CHFR: variants seen among roughly 807,000 people sequenced by gnomAD.
The protein encoded by CHFR is E3 ubiquitin-protein ligase CHFR.
Under a neutral mutation model 87.6 loss-of-function variants are expected in CHFR, and 57 were observed. That is an observed-to-expected ratio of 0.65 (90% confidence interval 0.53 to 0.81). CHFR has a LOEUF of 0.81. Among genes scored for constraint, CHFR ranks in the 30% least tolerant of loss-of-function variants. CHFR has a pLI of 0.00. For missense variants in CHFR, 797 were observed against 865.8 expected (o/e 0.92, Z 1.00); for synonymous variants, 381 against 359.2 (o/e 1.06, Z -0.69).
Position 132,841,468 on chromosome 12 carries a change from A to G in CHFR, c.*86T>C, listed in dbSNP as rs1030178377. ...CGTCCCTTCCCTCAGGGGGCTGTGA[A>G]AACACCTTGACGTGCTTGTCTCTGT... is the stretch of plus-strand genomic sequence containing the variant. On this transcript the variant is annotated 3_prime_UTR_variant, in exon 18 of 18. Coordinates refer to ENST00000450056, the MANE Select transcript of CHFR (RefSeq NM_001161346.2). 4.6e-5 allele frequency: 58 copies of G among 1,251,060 alleles called. No homozygotes were observed. Among genetic ancestry groups the G allele is most frequent in the Non-Finnish European group, 6.6e-5 (56 of 849,920 alleles). 77.5% of individuals were successfully genotyped at this position (1,251,060 alleles called of 1,614,324 possible). A position where few individuals can be genotyped will look rare whatever the true frequency, so the allele number is the denominator to read the frequency against.
At chr12:132,847,613 T>C (rs756686034) in intron 14 of CHFR, 134 of 1,071,416 alleles carry the variant, frequency 1.3e-4, no homozygotes, top group Non-Finnish European at 1.5e-4. Context: ...CCCACCATTG[T>C]GTGTGCTGTC....
intron 2 of CHFR, among the ~76,000 whole-genome samples, chr12:132,879,319 A>G (rs1951712590): frequency 6.6e-6 from 1 of 151,890 alleles, no homozygotes; most frequent in Admixed American, 6.6e-5. Flanking sequence ...GTACACGTAT[A>G]AGAAACTGCA....
chr12:132,842,403 T>C (rs1475190272), intron 17 of CHFR, among the ~76,000 whole-genome samples: 1 of 152,246 alleles, frequency 6.6e-6, no homozygotes, highest in Non-Finnish European at 1.5e-5. Context: ...GCAAGGTTTT[T>C]ATTCCACAAA....
intron 5 of CHFR, 49 bp downstream of exon 5, chr12:132,870,675 T>C: frequency 7.7e-7 from 1 of 1,290,578 alleles, no homozygotes; most frequent in Non-Finnish European, 1.1e-6. Flanking sequence ...ACAAAAGGAA[T>C]GCTATAGCTC....
chr12:132,864,781 C>A (rs184619249), intron 6 of CHFR, among the ~76,000 whole-genome samples: 1 of 152,352 alleles, frequency 6.6e-6, no homozygotes, highest in East Asian at 1.9e-4. Flanking sequence ...AGCCACCACA[C>A]CCGGCCAGAA....
At chr12:132,872,816 C>T (rs1951522061) in intron 3 of CHFR, among the ~76,000 whole-genome samples, 1 of 152,192 alleles carries the variant, frequency 6.6e-6, no homozygotes, top group Admixed American at 6.6e-5. Context: ...AGTACTGATC[C>T]CTCCCAAGAG....
At chr12:132,877,187 A>G (rs1434686825) in intron 3 of CHFR, among the ~76,000 whole-genome samples, 1 of 152,184 alleles carries the variant, frequency 6.6e-6, no homozygotes, top group East Asian at 1.9e-4. Context: ...CTGTGTTTAG[A>G]TAAATACTCT....
chr12:132,867,972 T>A (rs1299627480), intron 6 of CHFR: 1 of 151,066 alleles, frequency 6.6e-6, no homozygotes, highest in African/African-American at 2.4e-5. Context: ...AAAAAAATAA[T>A]ATGTATAGCG....
At chr12:132,862,484 G>A in intron 6 of CHFR, 7 of 433,088 alleles carry the variant, frequency 1.6e-5, no homozygotes, top group Non-Finnish European at 2.8e-5. Context: ...CGAGCATATG[G>A]TCCCAGCTAC....
chr12:132,851,270 C>T (rs1472177718), intron 12 of CHFR, among the ~76,000 whole-genome samples: 2 of 152,058 alleles, frequency 1.3e-5, no homozygotes, highest in African/African-American at 4.8e-5. Context: ...GGATTACAGA[C>T]GTGAGCCACT....
rs1271225215 is a variant in CHFR at position 132,862,998 on chromosome 12, GC to G, written c.584-1365del. 2.0e-5 allele frequency among the ~76,000 whole-genome samples: 3 copies of G among 150,680 alleles called. No individual in the cohort carries two copies. The East Asian group carries it at 6.1e-4, about 30-fold the overall frequency. On this transcript the variant is annotated intron_variant, in intron 6 of 17. Transcript: ENST00000450056. ...TGCAAGCTCTGCCTCCCTGGTTCAC[GC>G]CATTCTCCTGCCTCAGCCTCCTGAG...
At chr12:132,861,681 G>A (rs779770632) in intron 6 of CHFR, 47 bp from the exon 7 acceptor site, 2 of 1,579,398 alleles carry the variant, frequency 1.3e-6, no homozygotes, top group Non-Finnish European at 1.7e-6. Flanking sequence ...TCCAGCTCAG[G>A]AGAGAACCAT....
intron 13 of CHFR, 22 bp downstream of exon 13, chr12:132,848,619 G>A: frequency 6.4e-7 from 1 of 1,564,182 alleles, no homozygotes; most frequent in Non-Finnish European, 8.7e-7. Flanking sequence ...AAAGCAACTG[G>A]GGCCTGAAGA....
In CHFR at chr12:132,834,966, C is replaced by A. The variant is rs1950636125; in HGVS notation, c.*6588G>T. 6.6e-6 allele frequency: 1 copy of A among 152,210 alleles called. No individual in the cohort carries two copies. Among genetic ancestry groups the A allele is most frequent in the African/African-American group, 2.4e-5 (1 of 41,426 alleles). 9.4% of individuals were successfully genotyped at this position (152,210 alleles called of 1,614,324 possible). ...TCTCCTGACCTCGTGATCCGCCCGC[C>A]TCAGCCTCCCAAAGTGCTGGGAGTA... On this transcript the variant is annotated 3_prime_UTR_variant, in exon 18 of 18. Transcript: ENST00000450056.
intron 3 of CHFR, among the ~76,000 whole-genome samples, chr12:132,876,952 G>A (rs11147136): frequency 0.15 from 23,043 of 151,960 alleles, 2,249 homozygotes; most frequent in Admixed American, 0.21. Context: ...ATGCCACAAC[G>A]CCCGGCTAAT....
intron 6 of CHFR, among the ~76,000 whole-genome samples, chr12:132,865,578 G>A (rs1313691422): frequency 2.6e-5 from 4 of 151,136 alleles, no homozygotes; most frequent in South Asian, 2.1e-4. Context: ...TCACCATGTT[G>A]GCCAGGTAGG....
rs543340281 is a variant in CHFR, at chr12:132,862,682, C to T, written c.584-1048G>A. On this transcript the variant is annotated intron_variant, in intron 6 of 17. Coordinates refer to ENST00000450056, the MANE Select transcript of CHFR (RefSeq NM_001161346.2). ...GCAAGCTCCGCCTCCTGGGTTGACG[C>T]CATTCTCCTGCCTCAGCCTCCCAAG... Among the ~76,000 whole-genome samples the T allele has an allele frequency of 9.9e-5, 15 of 152,118 alleles. No homozygotes were observed. The South Asian group carries it at 3.1e-3, about 32-fold the overall frequency.
intron 10 of CHFR, among the ~76,000 whole-genome samples, chr12:132,855,510 C>CA (rs56223638): frequency 0.21 from 31,135 of 150,124 alleles, 4,110 homozygotes; most frequent in Non-Finnish European, 0.3. Flanking sequence ...ACTAAAAATA[C>CA]AAAAAAATTA....
Position 132,853,762 on chromosome 12 carries a change from G to A in CHFR, c.1230-189C>T, listed in dbSNP as rs139904993. 580 of 604,608 alleles carry A rather than the reference G, an allele frequency of 9.6e-4. 5 individuals are homozygous for A. The highest frequency in any genetic ancestry group is 8.7e-3 in the East Asian group (255 of 29,180). 37.5% of individuals were successfully genotyped at this position (604,608 alleles called of 1,614,324 possible). On this transcript the variant is annotated intron_variant, in intron 10 of 17. Coordinates refer to ENST00000450056, the MANE Select transcript of CHFR (RefSeq NM_001161346.2). ...GAGAGGGACCAGAACGAGTCGAAGG[G>A]CAAGGACACGCCACTCTGCATCCCC...
Sources: gnomAD v4.1 joint callset for allele counts (sites outside exome capture counted in the v4.1 genomes callset) on GRCh38, gnomAD v4.1.1 for gene constraint, MANE v1.5 for transcripts, NCBI Gene and HGNC (gene_info 2026-07-23, HGNC 2026-07-21) for gene names.